MYCT1: variants seen among roughly 807,000 people sequenced by gnomAD.
MYCT1 encodes the protein myc target protein 1.
MYCT1 carries 12 observed loss-of-function variants against 15.0 expected under a neutral mutation model. The observed-to-expected ratio is 0.80, with a 90% confidence interval of 0.51 to 1.29. The LOEUF (loss-of-function observed/expected upper bound fraction) is 1.29. Among genes scored for constraint, MYCT1 ranks in the 50% most tolerant of loss-of-function variants. The pLI, the probability that MYCT1 is intolerant of heterozygous loss-of-function variation, is 0.00. For synonymous variants in MYCT1, 104 were observed against 102.7 expected, an observed-to-expected ratio of 1.01 and a Z score of -0.07; for missense variants, 287 against 279.1, an observed-to-expected ratio of 1.03 and a Z score of -0.20.
rs757407441 is a variant in MYCT1, at chr6:152,724,136, C to T, written c.*1883C>T. On this transcript the variant is annotated 3_prime_UTR_variant, in exon 2 of 2. Coordinates refer to ENST00000367245, the MANE Select transcript of MYCT1 (RefSeq NM_025107.3). Reference sequence around the variant, plus strand: ...AAAATGGAAGAAAAAGGGAAAAAAGCTAACCGGATAACCAATTTGTTATAA... The same window carrying T: ...AAAATGGAAGAAAAAGGGAAAAAAGTTAACCGGATAACCAATTTGTTATAA... 45 of 151,460 alleles carry T rather than the reference C, an allele frequency of 3.0e-4. No homozygotes were observed. The highest frequency in any genetic ancestry group is 5.7e-4 in the Non-Finnish European group (39 of 67,942). 9.4% of individuals were successfully genotyped at this position (151,460 alleles called of 1,614,324 possible).
chr6:152,704,663 C>G (rs536186103), intron 1 of MYCT1, among the ~76,000 whole-genome samples: 2 of 152,214 alleles, frequency 1.3e-5, no homozygotes, highest in Middle Eastern at 6.8e-3. Context: ...CTGTTTTTCT[C>G]TTTCAGGATT....
At position 152,723,152 on chromosome 6, in the gene MYCT1, A is replaced by G. The variant is rs2099725018; in HGVS notation, c.*899A>G. On this transcript the variant is annotated 3_prime_UTR_variant, in exon 2 of 2. Transcript: ENST00000367245. ...CAGGAAACTGAACTCTTTTGGTGTCATTGGATGTTTCATTTTTGACACTAA... is the reference window on the plus strand; with the variant it reads ...CAGGAAACTGAACTCTTTTGGTGTCGTTGGATGTTTCATTTTTGACACTAA... 1 of 152,174 alleles carries G rather than the reference A, an allele frequency of 6.6e-6. No homozygotes were observed. The highest frequency in any genetic ancestry group is 2.4e-5 in the African/African-American group (1 of 41,426). The allele number at this position is 152,174 out of a possible 1,614,324, so 9.4% of individuals were successfully genotyped here.
the MYCT1 span, among the ~76,000 whole-genome samples, chr6:152,746,090 C>G: frequency 6.6e-6 from 1 of 152,240 alleles, no homozygotes; most frequent in Non-Finnish European, 1.5e-5. Context: ...TGAGAACTCA[C>G]TCAGAAAATA....
intron 1 of MYCT1, among the ~76,000 whole-genome samples, chr6:152,720,564 A>T (rs2099724519): frequency 6.6e-6 from 1 of 152,198 alleles, no homozygotes; most frequent in African/African-American, 2.4e-5. Flanking sequence ...TGTCTAGGAA[A>T]TGTAGGAGTC....
Position 152,697,989 on chromosome 6 carries a change from C to T in MYCT1, c.87C>T (p.Phe29=), listed in dbSNP as rs568217820. 4.6e-5 allele frequency: 74 copies of T among 1,607,202 alleles called. 1 individual carries two copies. The African/African-American group carries it at 5.2e-4, about 11-fold the overall frequency. ...GAGATAGAATCAAACTGCTTTTTTTCGACATACTGGTTTTTCTTTCTGTTT... is the reference window on the plus strand; with the variant it reads ...GAGATAGAATCAAACTGCTTTTTTTTGACATACTGGTTTTTCTTTCTGTTT... ...LQRDRIKLLF[F]DILVFLSVFL... Residue 29 remains phenylalanine (F), a synonymous_variant, in exon 1 of 2, where the codon TTC becomes TTT. Coordinates refer to ENST00000367245, the MANE Select transcript of MYCT1 (RefSeq NM_025107.3).
intron 1 of MYCT1, among the ~76,000 whole-genome samples, chr6:152,718,498 G>T (rs9384038): frequency 6.6e-6 from 1 of 151,838 alleles, no homozygotes; most frequent in Non-Finnish European, 1.5e-5. Flanking sequence ...CTCTCACCTC[G>T]GCCTCGCAAA....
intron 1 of MYCT1, among the ~76,000 whole-genome samples, chr6:152,718,486 C>T (rs780916503): frequency 5.3e-5 from 8 of 152,084 alleles, no homozygotes; most frequent in Non-Finnish European, 7.4e-5. Context: ...GCTCAAGCGA[C>T]CCTCTCACCT....
the MYCT1 span, among the ~76,000 whole-genome samples, chr6:152,745,469 A>C: frequency 6.6e-6 from 1 of 151,978 alleles, no homozygotes; most frequent in Non-Finnish European, 1.5e-5. Flanking sequence ...AGTCTAGGGG[A>C]AAAAAAGTTT....
At chr6:152,732,270 A>T in the MYCT1 span, among the ~76,000 whole-genome samples, 1 of 152,228 alleles carries the variant, frequency 6.6e-6, no homozygotes, top group African/African-American at 2.4e-5. Context: ...GGCCTAACAG[A>T]TATTAAACTG....
At chr6:152,719,255 A>T (rs1410121648) in intron 1 of MYCT1, among the ~76,000 whole-genome samples, 4 of 152,240 alleles carry the variant, frequency 2.6e-5, no homozygotes, top group Non-Finnish European at 5.9e-5. Context: ...TCTCTCAAGT[A>T]TTTCTGTTCA....
chr6:152,737,261 A>C, the MYCT1 span, among the ~76,000 whole-genome samples: 1 of 151,914 alleles, frequency 6.6e-6, no homozygotes, highest in African/African-American at 2.4e-5. Flanking sequence ...TTTTCTGGCA[A>C]TAAAGAGTTT....
rs955358536 is a variant in MYCT1, at chr6:152,712,303, T to C, written c.197-9439T>C. ...TCCAACTATGTGGTCAATTTTGGAA[T>C]AGGTGTGGTGTGGTGCTGAAAAAAA... On this transcript the variant is annotated intron_variant, in intron 1 of 1. Transcript: ENST00000367245. Among the ~76,000 whole-genome samples, 3 of 46,356 alleles carry C rather than the reference T, an allele frequency of 6.5e-5. 1 individual carries two copies. Among genetic ancestry groups the C allele is most frequent in the Non-Finnish European group, 9.9e-5 (2 of 20,194 alleles). 30.4% of individuals were successfully genotyped at this position (46,356 alleles called of 152,430 possible). A position where few individuals can be genotyped will look rare whatever the true frequency, so the allele number is the denominator to read the frequency against.
chr6:152,714,009 T>A (rs1276670597), intron 1 of MYCT1, among the ~76,000 whole-genome samples: 1 of 152,112 alleles, frequency 6.6e-6, no homozygotes, highest in Non-Finnish European at 1.5e-5. Context: ...TTTTTTTTTA[T>A]ATTGTTTTCA....
intron 1 of MYCT1, among the ~76,000 whole-genome samples, chr6:152,718,627 T>C (rs944875012): frequency 1.3e-5 from 2 of 152,160 alleles, no homozygotes; most frequent in Non-Finnish European, 2.9e-5. Context: ...AATCTAAAGT[T>C]TGCTATTATT....
the MYCT1 span, among the ~76,000 whole-genome samples, chr6:152,730,319 C>T: frequency 6.6e-6 from 1 of 152,206 alleles, no homozygotes; most frequent in Non-Finnish European, 1.5e-5. Flanking sequence ...CCAGAGATTA[C>T]TTCAAAGTGG....
In MYCT1 at chr6:152,720,330, G is replaced by A. The variant is rs932393581; in HGVS notation, c.197-1412G>A. On this transcript the variant is annotated intron_variant, in intron 1 of 1. Transcript: ENST00000367245. ...AGCTTCAATTCCATTGCATCCTACCGTCAAAGCAAGTCATGAAGCCTGCCC... is the reference window on the plus strand; with the variant it reads ...AGCTTCAATTCCATTGCATCCTACCATCAAAGCAAGTCATGAAGCCTGCCC... Among the ~76,000 whole-genome samples, 20 of 152,088 alleles carry A rather than the reference G, an allele frequency of 1.3e-4. No homozygotes were observed. In the South Asian group the frequency reaches 2.9e-3, roughly 22 times the overall value.
downstream of MYCT1, among the ~76,000 whole-genome samples, chr6:152,727,972 T>C (rs2099725947): frequency 6.6e-6 from 1 of 152,092 alleles, no homozygotes; most frequent in Non-Finnish European, 1.5e-5. Flanking sequence ...GAGACCCGCC[T>C]AGCCAACATG....
intron 1 of MYCT1, among the ~76,000 whole-genome samples, chr6:152,714,769 A>G (rs1177402360): frequency 6.6e-6 from 1 of 151,264 alleles, no homozygotes; most frequent in East Asian, 1.9e-4. Flanking sequence ...TCTTAGGATG[A>G]CTTGTAATTT....
downstream of MYCT1, among the ~76,000 whole-genome samples, chr6:152,727,003 A>G (rs117514934): frequency 8.3e-3 from 1,263 of 152,132 alleles, 9 homozygotes; most frequent in Non-Finnish European, 0.014. Flanking sequence ...GGAGGGCTGG[A>G]GTTTGAAACC....
Sources: allele counts gnomAD v4.1 joint callset (sites outside exome capture counted in the v4.1 genomes callset), GRCh38; gene constraint gnomAD v4.1.1; transcripts MANE v1.5; gene names NCBI Gene and HGNC (gene_info 2026-07-23, HGNC 2026-07-21).